Variants in PRDM5 observed in about 807,000 individuals in gnomAD.
PRDM5 encodes the protein PR domain zinc finger protein 5.
A neutral mutation model predicts 81.2 loss-of-function variants in PRDM5; 56 were observed. The ratio of observed to expected loss-of-function variants is 0.69; its 90% CI spans 0.56 to 0.86. The LOEUF (loss-of-function observed/expected upper bound fraction) is 0.86, where lower values mean the gene tolerates loss of function less well. Ranked by LOEUF, PRDM5 falls within the 40% of genes least tolerant of loss-of-function variation. The pLI is 0.00. For missense variants in PRDM5, 697 were observed against 770.1 expected (o/e 0.91, Z 1.12); for synonymous variants, 267 against 256.4 (o/e 1.04, Z -0.39).
intron 2 of PRDM5, among the ~76,000 whole-genome samples, chr4:120,888,308 G>A (rs1763684908): frequency 6.6e-6 from 1 of 152,058 alleles, no homozygotes. Flanking sequence ...CCACAATCCT[G>A]ATTTATAATT....
At chr4:120,828,967 C>T (rs1756370682) in intron 3 of PRDM5, among the ~76,000 whole-genome samples, 1 of 151,984 alleles carries the variant, frequency 6.6e-6, no homozygotes. Context: ...TAGAGCTAGA[C>T]TCAATCACAA....
chr4:120,856,102 A>C (rs1216632607), intron 2 of PRDM5, among the ~76,000 whole-genome samples: 3 of 152,148 alleles, frequency 2.0e-5, no homozygotes, highest in African/African-American at 7.2e-5. Context: ...TTTAGCCCCA[A>C]CTATGTTCAA....
At position 120,811,434 on chromosome 4, in the gene PRDM5, T is replaced by G. The variant is rs1753821285; in HGVS notation, c.881A>C (p.Lys294Thr). The G allele has an allele frequency of 6.3e-7, 1 of 1,596,928 alleles. No individual in the cohort carries two copies. Among genetic ancestry groups the G allele is most frequent in the Non-Finnish European group, 8.6e-7 (1 of 1,166,404 alleles). Residue 294 changes from lysine to threonine, a missense_variant, in exon 8 of 16, where the codon AAG becomes ACG. Transcript: ENST00000264808. ...TTTATTGCACACTGAACATATAAGC[T>G]TTTTCTTAGGATCTCCTAAAATAGA... is the stretch of plus-strand genomic sequence containing the variant. ...ENVHTGDPKK[K>T]LICSVCNKKC... is the part of the protein sequence containing the mutation.
rs566404086 is a variant in PRDM5 at position 120,779,332 on chromosome 4, T to C, written c.1443+1811A>G. On this transcript the variant is annotated intron_variant, in intron 12 of 15. Coordinates refer to ENST00000264808, the MANE Select transcript of PRDM5 (RefSeq NM_018699.4). The stretch of plus-strand genomic sequence containing the variant: ...AAGAATACTGAATAAATTTATGAGA[T>C]TAAAATGAGCAACACACTATGAATA... 3.2e-4 allele frequency among the ~76,000 whole-genome samples: 48 copies of C among 152,256 alleles called. No homozygotes were observed. The South Asian group carries it at 8.1e-3, about 26-fold the overall frequency.
chr4:120,899,170 C>T (rs1291323951), intron 2 of PRDM5, among the ~76,000 whole-genome samples: 3 of 152,054 alleles, frequency 2.0e-5, no homozygotes, highest in African/African-American at 4.8e-5. Flanking sequence ...GGGTCTGATA[C>T]TTACTTTGGT....
intron 13 of PRDM5, among the ~76,000 whole-genome samples, chr4:120,776,547 T>C (rs372957654): frequency 3.9e-5 from 6 of 152,152 alleles, no homozygotes; most frequent in Non-Finnish European, 7.4e-5. Flanking sequence ...CATCTGGCTA[T>C]CAATATTAAT....
chr4:120,822,239 A>G (rs566210114), intron 3 of PRDM5, among the ~76,000 whole-genome samples: 3 of 152,196 alleles, frequency 2.0e-5, no homozygotes, highest in Non-Finnish European at 4.4e-5. Flanking sequence ...AGCACCCAGA[A>G]TTGCTCTCTT....
chr4:120,774,102 C>T (rs1007104675), intron 13 of PRDM5, among the ~76,000 whole-genome samples: 6 of 152,100 alleles, frequency 3.9e-5, no homozygotes, highest in Non-Finnish European at 8.8e-5. Context: ...TAAATAAAAG[C>T]TTTCCAGAAT....
At chr4:120,728,848 T>C (rs1739830998) in intron 14 of PRDM5, among the ~76,000 whole-genome samples, 1 of 152,184 alleles carries the variant, frequency 6.6e-6, no homozygotes, top group Admixed American at 6.5e-5. Flanking sequence ...ACAAGAAATA[T>C]GATTTGTCTG....
At chr4:120,843,273 G>T (rs750928583) in intron 3 of PRDM5, among the ~76,000 whole-genome samples, 1 of 152,136 alleles carries the variant, frequency 6.6e-6, no homozygotes, top group Non-Finnish European at 1.5e-5. Context: ...GGCAGAGGTC[G>T]CAGTGAGCCG....
At chr4:120,730,795 A>G (rs1740137992) in intron 14 of PRDM5, among the ~76,000 whole-genome samples, 1 of 152,196 alleles carries the variant, frequency 6.6e-6, no homozygotes, top group Non-Finnish European at 1.5e-5. Flanking sequence ...AAATATTTAT[A>G]GAGGTTTATT....
chr4:120,713,657 T>G (rs979918737), intron 14 of PRDM5, among the ~76,000 whole-genome samples: 9 of 152,238 alleles, frequency 5.9e-5, no homozygotes, highest in Non-Finnish European at 1.0e-4. Context: ...TTTATCCATA[T>G]GTTTTATCTC....
rs190847666 is a variant in PRDM5, at chr4:120,802,596, G to T, written c.946-2851C>A. On this transcript the variant is annotated intron_variant, in intron 8 of 15. Coordinates refer to ENST00000264808, the MANE Select transcript of PRDM5 (RefSeq NM_018699.4). ...CTGCTGCTGATACCCAGGCAAAGAGGGTCTGGAGTGGACCTCCAGCAAACT... is the reference window on the plus strand; with the variant it reads ...CTGCTGCTGATACCCAGGCAAAGAGTGTCTGGAGTGGACCTCCAGCAAACT... 1.1e-4 allele frequency among the ~76,000 whole-genome samples: 17 copies of T among 152,314 alleles called. No individual in the cohort carries two copies. The East Asian group carries it at 3.3e-3, about 29-fold the overall frequency.
chr4:120,737,766 G>A (rs1741330121), intron 14 of PRDM5, among the ~76,000 whole-genome samples: 1 of 152,170 alleles, frequency 6.6e-6, no homozygotes, highest in African/African-American at 2.4e-5. Flanking sequence ...TCTGATTTGT[G>A]TACTGCTATA....
intron 11 of PRDM5, among the ~76,000 whole-genome samples, chr4:120,784,538 C>T (rs886825147): frequency 1.3e-5 from 2 of 152,050 alleles, no homozygotes; most frequent in African/African-American, 2.4e-5. Context: ...TATTTTGTAT[C>T]CTCCTCAAAT....
intron 1 of PRDM5, among the ~76,000 whole-genome samples, chr4:120,916,985 A>G (rs1724248271): frequency 6.6e-6 from 1 of 152,248 alleles, no homozygotes; most frequent in African/African-American, 2.4e-5. Flanking sequence ...GAACAGCCAG[A>G]GTCATGCTTG....
rs934034358 is a variant in PRDM5 at position 120,693,799 on chromosome 4, C to G, written c.*1312G>C. The G allele has an allele frequency of 2.0e-5, 3 of 151,926 alleles. No homozygotes were observed. Among genetic ancestry groups the G allele is most frequent in the Non-Finnish European group, 2.9e-5 (2 of 67,992 alleles). 9.4% of individuals were successfully genotyped at this position (151,926 alleles called of 1,614,324 possible). A position where few individuals can be genotyped will look rare whatever the true frequency, so the allele number is the denominator to read the frequency against. On this transcript the variant is annotated 3_prime_UTR_variant, in exon 16 of 16. Transcript: ENST00000264808. ...CAGTTAGAGAGGTTCATGAGTTGGG[C>G]TTCATTTTAACGTTTTTCTGGTTTT... is the stretch of plus-strand genomic sequence containing the variant.
chr4:120,892,363 C>T (rs1005008919), intron 2 of PRDM5, among the ~76,000 whole-genome samples: 3 of 152,078 alleles, frequency 2.0e-5, no homozygotes, highest in Non-Finnish European at 2.9e-5. Context: ...AGGTCCCGAA[C>T]GTCACTGATA....
chr4:120,752,058 T>A (rs1394511011), intron 14 of PRDM5, among the ~76,000 whole-genome samples: 1 of 152,224 alleles, frequency 6.6e-6, no homozygotes, highest in East Asian at 1.9e-4. Context: ...TAATAGTATC[T>A]TTTTTGAATG....
Sources: allele counts gnomAD v4.1 joint callset (sites outside exome capture counted in the v4.1 genomes callset), GRCh38; gene constraint gnomAD v4.1.1; transcripts MANE v1.5; gene names NCBI Gene and HGNC (gene_info 2026-07-23, HGNC 2026-07-21).